The following LTBP2 variants were observed in gnomAD, a reference collection of about 807,000 sequenced individuals.
LTBP2 encodes the protein latent transforming growth factor beta binding protein 2.
Under a neutral mutation model 210.6 loss-of-function variants are expected in LTBP2, and 103 were observed. The ratio of observed to expected loss-of-function variants is 0.49; its 90% CI spans 0.42 to 0.58. LTBP2 has a LOEUF of 0.58. Ranked by LOEUF, LTBP2 falls within the 20% of genes least tolerant of loss-of-function variation. The pLI, the probability that LTBP2 is intolerant of heterozygous loss-of-function variation, is 0.00. For synonymous variants in LTBP2, 1,007 were observed against 1,015.0 expected (o/e 0.99, Z 0.15); for missense variants, 2,313 against 2,494.5 (o/e 0.93, Z 1.55).
At position 74,510,099 on chromosome 14, in the gene LTBP2, C is replaced by A. The variant is rs1213656514; in HGVS notation, c.3143G>T (p.Gly1048Val). 3.7e-6 allele frequency: 6 copies of A among 1,614,092 alleles called. 1 individual carries two copies. In the Admixed American group the frequency reaches 1.0e-4, roughly 27 times the overall value. The change falls in exon 20 of 36, where the codon GGC becomes GTC. Residue 1048 changes from glycine (G) to valine (V), a missense_variant. Physicochemically the swap from Gly to Val is moderately radical, Grantham distance 109 (BLOSUM62 -3). Around this residue, in one of 3 missense-constraint regions of LTBP2, gnomAD observed 1,867 missense variants for 1,976.9 expected, o/e 0.94. Coordinates refer to ENST00000261978, the MANE Select transcript of LTBP2 (RefSeq NM_000428.3). ...CTTCAGCATCTCTGTACCTTGGCAG[C>A]CCTTCTCATCTGAGGTGACCTCATA... is the stretch of plus-strand genomic sequence containing the variant. ...QGYEVTSDEK[G>V]CQDVDECASR...
chr14:74,557,582 C>T (rs1383571189), intron 3 of LTBP2, among the ~76,000 whole-genome samples: 3 of 152,184 alleles, frequency 2.0e-5, no homozygotes, highest in African/African-American at 7.2e-5. Context: ...ATCCTCCGCT[C>T]ATGTCCTTTG....
At chr14:74,564,263 TTATATATATTTATA>T (rs2087860838) in intron 3 of LTBP2, among the ~76,000 whole-genome samples, 2 of 15,758 alleles carry the variant, frequency 1.3e-4, no homozygotes, top group Non-Finnish European at 1.1e-4. Context: ...TTATATATAT[TTATATATATTTATA>T]TATATATTTA....
intron 3 of LTBP2, among the ~76,000 whole-genome samples, chr14:74,570,111 A>G (rs2087956297): frequency 1.3e-5 from 2 of 152,142 alleles, no homozygotes; most frequent in East Asian, 1.9e-4. Context: ...GAGGGGCTGG[A>G]GGAAGGGGAG....
chr14:74,536,785 G>A (rs184222876), intron 8 of LTBP2, among the ~76,000 whole-genome samples: 33 of 152,322 alleles, frequency 2.2e-4, no homozygotes, highest in Admixed American at 2.0e-3. Flanking sequence ...GGGGGAGGTC[G>A]CAGTGAGCTG....
chr14:74,552,956 G>T lies in LTBP2; in HGVS notation c.1128C>A (p.Gly376=). ...CCTGGCTGTACAGGGTGGTGGTGTC[G>T]CCCCTCTCACAGCTGTTGGCACAGT... ...RGHCANSCER[G]DTTTLYSQGG... Residue 376 remains glycine (G), a synonymous_variant, in exon 5 of 36, where the codon GGC becomes GGA. Transcript: ENST00000261978. 1 of 1,613,988 alleles carries T rather than the reference G, an allele frequency of 6.2e-7. No homozygotes were observed. The highest frequency in any genetic ancestry group is 8.5e-7 in the Non-Finnish European group (1 of 1,179,954).
At position 74,500,821 on chromosome 14, in the gene LTBP2, C is replaced by T. The variant is rs1036512243; in HGVS notation, c.*63G>A. The T allele has an allele frequency of 3.7e-6, 6 of 1,606,068 alleles. No individual in the cohort carries two copies. The highest frequency in any genetic ancestry group is 2.2e-5 in the East Asian group (1 of 44,868). ...GTGTCTTCCCAGCTAGGAAATCATC[C>T]TCAAGGCCCCTGCCTGTGACTGGAG... On this transcript the variant is annotated 3_prime_UTR_variant, in exon 36 of 36. Coordinates refer to ENST00000261978, the MANE Select transcript of LTBP2 (RefSeq NM_000428.3).
In LTBP2 at chr14:74,516,885, C is replaced by T. The variant is rs1304636208; in HGVS notation, c.2845G>A (p.Glu949Lys). 2.3e-5 allele frequency: 35 copies of T among 1,551,884 alleles called. No homozygotes were observed. Among genetic ancestry groups the T allele is most frequent in the African/African-American group, 8.2e-5 (6 of 73,144 alleles). Residue 949 changes from glutamate (E) to lysine (K), a missense_variant, in exon 18 of 36, where the codon GAG (glutamate) becomes AAG (lysine). Coordinates refer to ENST00000261978, the MANE Select transcript of LTBP2 (RefSeq NM_000428.3). ...VCSGGQCTNT[E>K]GSYHCECDQG... Reference sequence around the variant, plus strand: ...TCACACTCGCAGTGGTACGAGCCCTCGGTGTTGGTGCACTGCCCCCCGCTG... The same window carrying T: ...TCACACTCGCAGTGGTACGAGCCCTTGGTGTTGGTGCACTGCCCCCCGCTG...
intron 8 of LTBP2, among the ~76,000 whole-genome samples, chr14:74,545,512 T>C (rs10135478): frequency 0.021 from 3,229 of 152,168 alleles, 45 homozygotes; most frequent in South Asian, 0.085. Flanking sequence ...CCCAGGCAAA[T>C]GGCAAGACGA....
rs78703020 is a variant in LTBP2, at chr14:74,508,750, G to A, written c.3527-21C>T. 3.8e-3 allele frequency: 6,094 copies of A among 1,613,524 alleles called. 217 individuals are homozygous for A. The Admixed American group carries it at 0.069, about 18-fold the overall frequency. On this transcript the variant is annotated intron_variant, in intron 23 of 35. Coordinates refer to ENST00000261978, the MANE Select transcript of LTBP2 (RefSeq NM_000428.3). ...CACATCTGCAGGGAAAAGATGGGGA[G>A]TGGGTGTCTGCTGGGGATGTGCCTG...
In LTBP2 at chr14:74,525,858, A is replaced by T. The variant is rs78753340; in HGVS notation, c.2428+217T>A. 0.015 allele frequency among the ~76,000 whole-genome samples: 2,232 copies of T among 152,292 alleles called. 58 individuals carry two copies. Among genetic ancestry groups the T allele is most frequent in the African/African-American group, 0.051 (2,128 of 41,532 alleles). On this transcript the variant is annotated intron_variant, in intron 14 of 35. Transcript: ENST00000261978. ...TTGCAAAGAGTTCTGTGGCTAGAAA[A>T]CTATCTGTGAAGCGTCATGGGGTCT...
In LTBP2 at chr14:74,585,910, G is replaced by C. The variant is rs777677069; in HGVS notation, c.774C>G (p.Ala258=). 6.2e-7 allele frequency: 1 copy of C among 1,613,202 alleles called. No individual in the cohort carries two copies. The highest frequency in any genetic ancestry group is 8.5e-7 in the Non-Finnish European group (1 of 1,179,922). The change falls in exon 3 of 36, where the codon GCC becomes GCG. Residue 258 remains alanine (A), a synonymous_variant. Transcript: ENST00000261978. ...ACTGTGGTGCTGGCGGCTGTGCTCT[G>C]GCCAAGGTGCCCTCTCCAGCCGCAC... ...RSSAAGEGTL[A]RAQPPAPQSP... is the part of the protein sequence containing the mutation.
rs764638076 is a variant in LTBP2 at position 74,503,172 on chromosome 14, TG to T, written c.4888+46del. The T allele has an allele frequency of 2.5e-6, 4 of 1,607,558 alleles. No homozygotes were observed. The East Asian group carries it at 8.9e-5, about 36-fold the overall frequency. On this transcript the variant is annotated intron_variant, in intron 33 of 35. Transcript: ENST00000261978. ...TCCAAGGTGAGGGCATCCCCCTCCC[TG>T]GGGCCTGGCCCAGCCCTGCAGGGTA...
At chr14:74,521,865 T>C in intron 17 of LTBP2, 46 bp downstream of exon 17, 1 of 1,612,170 alleles carries the variant, frequency 6.2e-7, no homozygotes, top group Non-Finnish European at 8.5e-7. Context: ...TTCCACCCCC[T>C]CAAGACTGTG....
Position 74,552,959 on chromosome 14 carries a change from C to T in LTBP2, c.1125G>A (p.Arg375=), listed in dbSNP as rs2087680411. The T allele has an allele frequency of 1.2e-6, 2 of 1,614,054 alleles. No individual in the cohort carries two copies. The stretch of plus-strand genomic sequence containing the variant: ...GGCTGTACAGGGTGGTGGTGTCGCC[C>T]CTCTCACAGCTGTTGGCACAGTGTC... ...ARGHCANSCE[R]GDTTTLYSQG... is the part of the protein sequence containing the mutation. Residue 375 remains arginine, a synonymous_variant, in exon 5 of 36, where the codon AGG becomes AGA. Transcript: ENST00000261978.
At chr14:74,519,273 G>C (rs955078395) in intron 17 of LTBP2, among the ~76,000 whole-genome samples, 2 of 152,064 alleles carry the variant, frequency 1.3e-5, no homozygotes, top group African/African-American at 4.8e-5. Context: ...AGGACAAAAT[G>C]GGAGCATTGC....
At chr14:74,506,952 G>A in intron 26 of LTBP2, 129 bp from the exon 27 acceptor site, 1 of 1,548,076 alleles carries the variant, frequency 6.5e-7, no homozygotes, top group Non-Finnish European at 8.7e-7. Context: ...TACTTATTTG[G>A]CTTATTAGCA....
intron 3 of LTBP2, among the ~76,000 whole-genome samples, chr14:74,560,862 G>A (rs1595276571): frequency 6.6e-6 from 1 of 152,246 alleles, no homozygotes; most frequent in East Asian, 1.9e-4. Context: ...AAAGTATATG[G>A]GAGCATGTGC....
intron 8 of LTBP2, among the ~76,000 whole-genome samples, chr14:74,537,405 G>A (rs918841354): frequency 6.6e-6 from 1 of 152,196 alleles, no homozygotes; most frequent in South Asian, 2.1e-4. Context: ...AAGCAGGCAC[G>A]AGCAATTGCC....
Position 74,501,500 on chromosome 14 carries a change from C to T in LTBP2, c.5261G>A (p.Gly1754Asp). 1.9e-6 allele frequency: 3 copies of T among 1,614,166 alleles called. No homozygotes were observed. In the South Asian group the frequency reaches 3.3e-5, roughly 18 times the overall value. Residue 1754 changes from glycine to aspartate, a missense_variant, in exon 35 of 36, where the codon GGC (glycine) becomes GAC (aspartate). Physicochemically the swap from Gly to Asp is moderately conservative, Grantham distance 94. Around this residue, in one of 3 missense-constraint regions of LTBP2, gnomAD observed 443 missense variants for 501.4 expected, o/e 0.88. Transcript: ENST00000261978. ...ENGRCVRVRE[G>D]YTCDCFEGFQ... is the part of the protein sequence containing the mutation. The stretch of plus-strand genomic sequence containing the variant: ...GCCCTCAAAACAGTCACAGGTGTAG[C>T]CCTCCCGCACGCGCACACAGCGGCC...
Sources: gnomAD v4.1 joint callset for allele counts (sites outside exome capture counted in the v4.1 genomes callset) on GRCh38, gnomAD v4.1.1 for gene constraint, gnomAD v4.1.1 regional missense constraint, MANE v1.5 for transcripts, NCBI Gene and HGNC (gene_info 2026-07-23, HGNC 2026-07-21) for gene names.